PIKFYVE: variants seen among roughly 807,000 people sequenced by gnomAD.
The protein encoded by PIKFYVE is 1-phosphatidylinositol 3-phosphate 5-kinase.
In PIKFYVE, 122 loss-of-function variants were observed where a neutral mutation model predicts 257.9. That is an observed-to-expected ratio of 0.47 (90% confidence interval 0.41 to 0.55). PIKFYVE has a LOEUF of 0.55. Ranked by LOEUF, PIKFYVE falls within the 20% of genes least tolerant of loss-of-function variation. The probability of loss-of-function intolerance (pLI) is 0.00; values close to 1 mark genes in which losing one functional copy is unlikely to be tolerated. For synonymous variants in PIKFYVE, 892 were observed against 868.9 expected (o/e 1.03, Z -0.47); for missense variants, 2,160 against 2,536.6 (o/e 0.85, Z 3.19).
chr2:208,335,766 A>G, intron 25 of PIKFYVE, 27 bp from the exon 26 acceptor site: 1 of 1,522,462 alleles, frequency 6.6e-7, no homozygotes, highest in Non-Finnish European at 9.1e-7. Flanking sequence ...CCCTTTCTAA[A>G]GTGTTTAATG....
At chr2:208,303,490 G>A (rs745390485) in intron 10 of PIKFYVE, among the ~76,000 whole-genome samples, 10 of 152,086 alleles carry the variant, frequency 6.6e-5, no homozygotes, top group Non-Finnish European at 1.0e-4. Context: ...TTACAATAAA[G>A]CTAGAGAAAC....
At chr2:208,353,835 T>G (rs1699988421) in intron 39 of PIKFYVE, 63 bp from the exon 40 acceptor site, 2 of 1,584,314 alleles carry the variant, frequency 1.3e-6, no homozygotes, top group Non-Finnish European at 1.7e-6. Flanking sequence ...TTTTATTTAC[T>G]TACATTAACT....
chr2:208,347,490 C>T (rs1490786586), intron 34 of PIKFYVE, among the ~76,000 whole-genome samples: 3 of 152,146 alleles, frequency 2.0e-5, no homozygotes, highest in Non-Finnish European at 4.4e-5. Flanking sequence ...TATTGCAATA[C>T]TGTAAGAACT....
At chr2:208,290,457 C>T (rs553558236) in intron 7 of PIKFYVE, among the ~76,000 whole-genome samples, 1 of 152,316 alleles carries the variant, frequency 6.6e-6, no homozygotes, top group South Asian at 2.1e-4. Flanking sequence ...CTTGATAGCT[C>T]ATTTCTAAGT....
intron 5 of PIKFYVE, among the ~76,000 whole-genome samples, chr2:208,281,763 C>T (rs1690835256): frequency 6.6e-6 from 1 of 152,212 alleles, no homozygotes; most frequent in South Asian, 2.1e-4. Flanking sequence ...ATCCCCAGCT[C>T]CATCAGGATC....
Position 208,350,814 on chromosome 2 carries a change from T to C in PIKFYVE, c.5478T>C (p.Tyr1826=), listed in dbSNP as rs545042892. ...ANAKFYCRLY[Y]AGEFHKMREV... ...CCAAGTTTTACTGTCGGCTCTACTA[T>C]GCGGGAGAGTTTCATAAGATGCGTG... The change falls in exon 37 of 42, where the codon TAT becomes TAC. Residue 1826 remains tyrosine (Y), a synonymous_variant. Coordinates refer to ENST00000264380, the MANE Select transcript of PIKFYVE (RefSeq NM_015040.4). The C allele has an allele frequency of 3.1e-6, 5 of 1,614,206 alleles. No individual in the cohort carries two copies. In the East Asian group the frequency reaches 1.1e-4, roughly 36 times the overall value.
chr2:208,273,262 A>AT (rs750825799), intron 2 of PIKFYVE, among the ~76,000 whole-genome samples: 1 of 152,088 alleles, frequency 6.6e-6, no homozygotes, highest in Non-Finnish European at 1.5e-5. Context: ...CAAGGGTGTG[A>AT]TTATTGGCCT....
chr2:208,283,859 C>T (rs192962674), intron 5 of PIKFYVE, among the ~76,000 whole-genome samples: 12 of 152,278 alleles, frequency 7.9e-5, no homozygotes, highest in East Asian at 3.9e-4. Flanking sequence ...GTTGGGATTA[C>T]GGGTGTGCAC....
Position 208,356,940 on chromosome 2 carries a change from A to C in PIKFYVE, c.*1635A>C, listed in dbSNP as rs527606302. On this transcript the variant is annotated 3_prime_UTR_variant, in exon 42 of 42. Coordinates refer to ENST00000264380, the MANE Select transcript of PIKFYVE (RefSeq NM_015040.4). ...AGTTACACAGTATGATGAATACTTG[A>C]ATTAGGAACATTGTGGAAAATTTGC... 2.0e-5 allele frequency: 3 copies of C among 152,782 alleles called. No homozygotes were observed. The East Asian group carries it at 5.8e-4, about 29-fold the overall frequency. The allele number at this position is 152,782 out of a possible 1,614,324, so 9.5% of individuals were successfully genotyped here. A position where few individuals can be genotyped will look rare whatever the true frequency, so the allele number is the denominator to read the frequency against.
At chr2:208,336,992 T>C in intron 28 of PIKFYVE, 64 bp downstream of exon 28, 1 of 1,245,400 alleles carries the variant, frequency 8.0e-7, no homozygotes, top group Non-Finnish European at 1.2e-6. Flanking sequence ...TCATTTATAA[T>C]ACTTAGCAGG....
intron 34 of PIKFYVE, 113 bp downstream of exon 34, chr2:208,346,260 G>T (rs1238312111): frequency 2.4e-6 from 2 of 838,610 alleles, no homozygotes; most frequent in Non-Finnish European, 3.9e-6. Flanking sequence ...TACTACTTAT[G>T]ATCTCTGAAA....
At chr2:208,335,738 GAT>G in intron 25 of PIKFYVE, 53 bp from the exon 26 acceptor site, 1 of 1,296,666 alleles carries the variant, frequency 7.7e-7, no homozygotes, top group Non-Finnish European at 1.1e-6. Context: ...ATTTATGTGA[GAT>G]AGAAAATTTG....
chr2:208,290,589 G>GT lies in PIKFYVE; in HGVS notation c.911+1778dup, dbSNP rs1387765158. Among the ~76,000 whole-genome samples, 3 of 152,258 alleles carry GT rather than the reference G, an allele frequency of 2.0e-5. No individual in the cohort carries two copies. The South Asian group carries it at 6.2e-4, about 32-fold the overall frequency. On this transcript the variant is annotated intron_variant, in intron 7 of 41. Coordinates refer to ENST00000264380, the MANE Select transcript of PIKFYVE (RefSeq NM_015040.4). ...AGGCTGTTATAACATCTGAGTATAG[G>GT]TTTTTTTGTGGGTGTAATTTTCAAT...
At position 208,350,754 on chromosome 2, in the gene PIKFYVE, A is replaced by G. The variant is rs1195782409; in HGVS notation, c.5435-17A>G. ...CTGAGTCATAAAGCTTTTTAAAAAAACTTCTGTTGTTTATAGAATTTTCAG... is the reference window on the plus strand; with the variant it reads ...CTGAGTCATAAAGCTTTTTAAAAAAGCTTCTGTTGTTTATAGAATTTTCAG... On this transcript the variant is annotated splice_polypyrimidine_tract_variant and intron_variant, in intron 36 of 41. Transcript: ENST00000264380. 1 of 1,613,654 alleles carries G rather than the reference A, an allele frequency of 6.2e-7. No individual in the cohort carries two copies. The highest frequency in any genetic ancestry group is 1.7e-5 in the Admixed American group (1 of 60,028).
chr2:208,324,535 G>A (rs1432634958), intron 18 of PIKFYVE, among the ~76,000 whole-genome samples: 1 of 152,108 alleles, frequency 6.6e-6, no homozygotes, highest in Non-Finnish European at 1.5e-5. Context: ...TTAATCACTA[G>A]GTATTTGTTG....
intron 16 of PIKFYVE, 27 bp downstream of exon 16, chr2:208,317,968 GTTCAGCAAA>G: frequency 7.2e-7 from 1 of 1,388,080 alleles, no homozygotes. Flanking sequence ...CAGCAGTGAA[GTTCAGCAAA>G]CCATGGCTGT....
intron 15 of PIKFYVE, among the ~76,000 whole-genome samples, chr2:208,315,815 T>C (rs1319196280): frequency 6.7e-6 from 1 of 149,834 alleles, no homozygotes; most frequent in Non-Finnish European, 1.5e-5. Flanking sequence ...CATAAACTTC[T>C]TAAAACATTA....
intron 6 of PIKFYVE, among the ~76,000 whole-genome samples, chr2:208,288,330 T>G (rs1418118122): frequency 6.6e-6 from 1 of 152,188 alleles, no homozygotes; most frequent in Non-Finnish European, 1.5e-5. Flanking sequence ...GAGCCTGCAC[T>G]TGGACCTAGG....
chr2:208,352,573 T>TA lies in PIKFYVE; in HGVS notation c.5716-80dup. The TA allele has an allele frequency of 4.0e-6, 6 of 1,497,550 alleles. No individual in the cohort carries two copies. The South Asian group carries it at 7.1e-5, about 18-fold the overall frequency. 92.8% of individuals were successfully genotyped at this position (1,497,550 alleles called of 1,614,324 possible). ...TTAATAGAAAATTATGTTCAGTTATTACATGGATAATCCTTATATTGGTAT... is the reference window on the plus strand; with the variant it reads ...TTAATAGAAAATTATGTTCAGTTATTAACATGGATAATCCTTATATTGGTAT... On this transcript the variant is annotated intron_variant, in intron 38 of 41. Transcript: ENST00000264380.
Sources: allele counts gnomAD v4.1 joint callset (sites outside exome capture counted in the v4.1 genomes callset), GRCh38; gene constraint gnomAD v4.1.1; transcripts MANE v1.5; gene names NCBI Gene and HGNC (gene_info 2026-07-23, HGNC 2026-07-21).